The following ASAP1 variants were observed in gnomAD, a reference collection of about 807,000 sequenced individuals.
ASAP1 encodes the protein ArfGAP with SH3 domain, ankyrin repeat and PH domain 1.
In ASAP1, 43 loss-of-function variants were observed where a neutral mutation model predicts 145.2. The observed-to-expected ratio is 0.30, with a 90% confidence interval of 0.23 to 0.38. The LOEUF (loss-of-function observed/expected upper bound fraction) is 0.38, where lower values mean the gene tolerates loss of function less well. Among genes scored for constraint, ASAP1 ranks in the 10% least tolerant of loss-of-function variants. The probability of loss-of-function intolerance (pLI) is 1.00; values close to 1 mark genes in which losing one functional copy is unlikely to be tolerated. For synonymous variants in ASAP1, 546 were observed against 515.5 expected (o/e 1.06, Z -0.80); for missense variants, 1,018 against 1,355.3 (o/e 0.75, Z 3.91).
At chr8:130,212,803 A>AG in intron 5 of ASAP1, among the ~76,000 whole-genome samples, 1 of 152,360 alleles carries the variant, frequency 6.6e-6, no homozygotes, top group Non-Finnish European at 1.5e-5. Context: ...ATATACACAC[A>AG]GTTGAAAGGA....
intron 3 of ASAP1, among the ~76,000 whole-genome samples, chr8:130,337,679 T>C (rs942613495): frequency 2.6e-5 from 4 of 152,246 alleles, no homozygotes; most frequent in Non-Finnish European, 4.4e-5. Flanking sequence ...CCACAACTTC[T>C]CAAAGACCTT....
chr8:130,284,879 A>ACACACC (rs1554871038), intron 3 of ASAP1, among the ~76,000 whole-genome samples: 3 of 144,796 alleles, frequency 2.1e-5, no homozygotes, highest in South Asian at 2.3e-4. Flanking sequence ...ACACACACAC[A>ACACACC]CCATACTGAG....
chr8:130,071,338 A>G (rs2097446139), intron 27 of ASAP1, among the ~76,000 whole-genome samples: 2 of 152,306 alleles, frequency 1.3e-5, no homozygotes, highest in East Asian at 1.9e-4. Flanking sequence ...TATTATGTCA[A>G]AATTCCTGAG....
intron 24 of ASAP1, among the ~76,000 whole-genome samples, chr8:130,097,126 C>CAAAAAAAAAAAAAAAAAAAA (rs61591724): frequency 1.9e-5 from 1 of 53,568 alleles, no homozygotes; most frequent in Non-Finnish European, 3.2e-5. Flanking sequence ...AGTTAGTCTC[C>CAAAAAAAAAAAAAAAAAAAA]AAAAAAAAAA....
chr8:130,209,110 G>A (rs1332200749), intron 5 of ASAP1, among the ~76,000 whole-genome samples: 1 of 152,092 alleles, frequency 6.6e-6, no homozygotes, highest in African/African-American at 2.4e-5. Flanking sequence ...TATTAATGTA[G>A]CCTATTAATA....
intron 25 of ASAP1, chr8:130,084,565 T>C (rs1327998053): frequency 6.6e-6 from 1 of 152,180 alleles, no homozygotes; most frequent in Non-Finnish European, 1.5e-5. Context: ...GGGCATTGGC[T>C]CAGCAGCGAA....
chr8:130,153,255 T>C (rs2097650422), intron 12 of ASAP1, among the ~76,000 whole-genome samples: 1 of 149,678 alleles, frequency 6.7e-6, no homozygotes, highest in South Asian at 2.1e-4. Context: ...CCTGACCTCA[T>C]GATCCACCAG....
At chr8:130,091,104 T>G (rs2097504523) in intron 25 of ASAP1, among the ~76,000 whole-genome samples, 1 of 152,230 alleles carries the variant, frequency 6.6e-6, no homozygotes, top group Non-Finnish European at 1.5e-5. Context: ...TCAATGTCAC[T>G]GAAATGATTA....
At position 130,351,938 on chromosome 8, in the gene ASAP1, T is replaced by C. The variant is rs186001431; in HGVS notation, c.186+6079A>G. Among the ~76,000 whole-genome samples, 16 of 152,324 alleles carry C rather than the reference T, an allele frequency of 1.1e-4. No individual in the cohort carries two copies. The South Asian group carries it at 2.5e-3, about 24-fold the overall frequency. On this transcript the variant is annotated intron_variant, in intron 3 of 29. Transcript: ENST00000518721. ...TAGAAAGAGCATGAGTTCCAACATA[T>C]ACAATTTCCTTCTCCCTTTGATTCT...
At chr8:130,394,699 G>C (rs1403271952) in intron 2 of ASAP1, among the ~76,000 whole-genome samples, 1 of 152,112 alleles carries the variant, frequency 6.6e-6, no homozygotes, top group Non-Finnish European at 1.5e-5. Flanking sequence ...GTCTCCCCAG[G>C]ACACCCAGCT....
chr8:130,195,369 A>G (rs1186451787), intron 5 of ASAP1: 1 of 133,230 alleles, frequency 7.5e-6, no homozygotes, highest in East Asian at 2.3e-4. Context: ...AGACTCCACC[A>G]TCTCTTTAGG....
At chr8:130,262,455 A>G (rs143725649) in intron 3 of ASAP1, among the ~76,000 whole-genome samples, 7,968 of 86,740 alleles carry the variant, frequency 0.092, 711 homozygotes, top group East Asian at 0.16. Flanking sequence ...AGAGAGAGAG[A>G]GAACCTGTGG....
intron 11 of ASAP1, among the ~76,000 whole-genome samples, chr8:130,165,980 C>T (rs1036531909): frequency 6.6e-6 from 1 of 152,052 alleles, no homozygotes; most frequent in African/African-American, 2.4e-5. Flanking sequence ...TATAAAAATG[C>T]TGTATTTCAT....
At chr8:130,099,180 ATT>A (rs78544780) in intron 24 of ASAP1, among the ~76,000 whole-genome samples, 18 of 140,530 alleles carry the variant, frequency 1.3e-4, no homozygotes, top group Admixed American at 2.1e-4. Context: ...GGCCTAGCTA[ATT>A]TTTTTTTTTT....
intron 4 of ASAP1, among the ~76,000 whole-genome samples, chr8:130,233,998 G>A (rs1450045012): frequency 6.6e-6 from 1 of 152,136 alleles, no homozygotes; most frequent in Non-Finnish European, 1.5e-5. Context: ...TCAATAGCTA[G>A]GCTCTACTCT....
intron 18 of ASAP1, among the ~76,000 whole-genome samples, chr8:130,119,322 T>C (rs531570708): frequency 2.6e-5 from 4 of 152,260 alleles, no homozygotes; most frequent in African/African-American, 9.6e-5. Flanking sequence ...AGGCCAGGCA[T>C]TGAGCTCCAA....
At chr8:130,123,961 A>T (rs2097570786) in intron 18 of ASAP1, 52 bp downstream of exon 18, 3 of 1,400,814 alleles carry the variant, frequency 2.1e-6, no homozygotes, top group Non-Finnish European at 3.0e-6. Flanking sequence ...GGAAGGGTAG[A>T]AAAACAATTA....
chr8:130,126,459 A>C (rs966859932), intron 16 of ASAP1, among the ~76,000 whole-genome samples: 30 of 151,574 alleles, frequency 2.0e-4, no homozygotes, highest in Non-Finnish European at 1.5e-5. Context: ...GCCATCATTA[A>C]CCTCCAAGTT....
intron 3 of ASAP1, among the ~76,000 whole-genome samples, chr8:130,273,718 G>T (rs1586731182): frequency 6.6e-6 from 1 of 152,104 alleles, no homozygotes; most frequent in East Asian, 1.9e-4. Context: ...GTCACACTTC[G>T]AGGAGAACAA....
Sources: gnomAD v4.1 joint callset for allele counts (sites outside exome capture counted in the v4.1 genomes callset) on GRCh38, gnomAD v4.1.1 for gene constraint, MANE v1.5 for transcripts, NCBI Gene and HGNC (gene_info 2026-07-23, HGNC 2026-07-21) for gene names.